EXOC6B: variants seen among roughly 807,000 people sequenced by gnomAD.
The protein encoded by EXOC6B is SEC15 homolog B.
EXOC6B carries 54 observed loss-of-function variants against 113.5 expected under a neutral mutation model. The ratio of observed to expected loss-of-function variants is 0.48; its 90% CI spans 0.38 to 0.60. The LOEUF is 0.60. Ranked by LOEUF, EXOC6B falls within the 20% of genes least tolerant of loss-of-function variation. EXOC6B has a pLI of 0.00. For missense variants in EXOC6B, 797 were observed against 977.5 expected, an observed-to-expected ratio of 0.82 and a Z score of 2.46; for synonymous variants, 357 against 339.0, an observed-to-expected ratio of 1.05 and a Z score of -0.58.
intron 6 of EXOC6B, among the ~76,000 whole-genome samples, chr2:72,624,441 A>G (rs983048410): frequency 2.0e-5 from 3 of 152,158 alleles, no homozygotes; most frequent in African/African-American, 7.2e-5. Flanking sequence ...ACTTATAAAA[A>G]TAAGATGCTC....
At chr2:72,247,304 T>A (rs1190805914) in intron 20 of EXOC6B, among the ~76,000 whole-genome samples, 1 of 152,206 alleles carries the variant, frequency 6.6e-6, no homozygotes, top group Non-Finnish European at 1.5e-5. Flanking sequence ...GATACCACCA[T>A]GTATCCAAGA....
chr2:72,294,612 T>G (rs1686015251), intron 20 of EXOC6B, among the ~76,000 whole-genome samples: 1 of 152,190 alleles, frequency 6.6e-6, no homozygotes, highest in African/African-American at 2.4e-5. Flanking sequence ...CTATTTACAT[T>G]TATTATCATA....
intron 20 of EXOC6B, among the ~76,000 whole-genome samples, chr2:72,256,984 TA>T (rs1182569503): frequency 2.0e-5 from 3 of 152,182 alleles, no homozygotes; most frequent in Non-Finnish European, 4.4e-5. Context: ...AATTTGGGCC[TA>T]AAGTAACCCT....
At chr2:72,248,715 T>TCTA (rs1433461283) in intron 20 of EXOC6B, among the ~76,000 whole-genome samples, 2 of 152,162 alleles carry the variant, frequency 1.3e-5, no homozygotes, top group Non-Finnish European at 2.9e-5. Context: ...TACATTAACA[T>TCTA]CTAGCTAAAT....
chr2:72,388,806 A>T (rs929359324), intron 18 of EXOC6B, among the ~76,000 whole-genome samples: 3 of 152,116 alleles, frequency 2.0e-5, no homozygotes, highest in African/African-American at 7.2e-5. Context: ...ATGAAATGTC[A>T]ATTTTTATCC....
At chr2:72,485,387 A>G (rs1266167780) in intron 16 of EXOC6B, among the ~76,000 whole-genome samples, 12 of 152,210 alleles carry the variant, frequency 7.9e-5, no homozygotes, top group Non-Finnish European at 1.5e-4. Context: ...GAAGAAAATG[A>G]GAAGTCACAC....
intron 19 of EXOC6B, among the ~76,000 whole-genome samples, chr2:72,364,623 T>G (rs1374337523): frequency 1.3e-5 from 2 of 152,136 alleles, no homozygotes; most frequent in Non-Finnish European, 2.9e-5. Context: ...AGGATGTAGA[T>G]TCTCCTACGG....
intron 6 of EXOC6B, among the ~76,000 whole-genome samples, chr2:72,618,966 T>C (rs1042960799): frequency 6.6e-6 from 1 of 152,208 alleles, no homozygotes; most frequent in African/African-American, 2.4e-5. Flanking sequence ...GGAATTAGCA[T>C]GTGACTTAAT....
intron 18 of EXOC6B, among the ~76,000 whole-genome samples, chr2:72,393,124 C>G (rs577926209): frequency 6.0e-5 from 9 of 151,260 alleles, no homozygotes; most frequent in Non-Finnish European, 1.2e-4. Flanking sequence ...GAGACAAAGT[C>G]TCACTCTGTA....
intron 17 of EXOC6B, among the ~76,000 whole-genome samples, chr2:72,475,480 A>G (rs557625560): frequency 5.3e-5 from 8 of 152,180 alleles, no homozygotes; most frequent in Non-Finnish European, 7.4e-5. Context: ...GCCCGACCTC[A>G]GGCACCTGGG....
At chr2:72,303,903 T>C (rs1271204991) in intron 20 of EXOC6B, among the ~76,000 whole-genome samples, 1 of 152,168 alleles carries the variant, frequency 6.6e-6, no homozygotes, top group Non-Finnish European at 1.5e-5. Flanking sequence ...TGGGCAGCCC[T>C]GCTCAGTGAG....
chr2:72,305,221 ATG>A (rs1397023556), intron 20 of EXOC6B, among the ~76,000 whole-genome samples: 3 of 152,178 alleles, frequency 2.0e-5, no homozygotes, highest in Non-Finnish European at 4.4e-5. Flanking sequence ...TGCTAAGTTC[ATG>A]TAGTTAAATG....
chr2:72,439,894 AT>A (rs888147554), intron 18 of EXOC6B, among the ~76,000 whole-genome samples: 26 of 151,276 alleles, frequency 1.7e-4, no homozygotes, highest in Admixed American at 9.2e-4. Context: ...ACCTTTGGAT[AT>A]TTTTTTTTAT....
At chr2:72,184,599 T>C (rs900901567) in intron 20 of EXOC6B, among the ~76,000 whole-genome samples, 2 of 152,260 alleles carry the variant, frequency 1.3e-5, no homozygotes, top group African/African-American at 4.8e-5. Flanking sequence ...TAAAGGTGGA[T>C]GTAGTCCAGT....
intron 18 of EXOC6B, among the ~76,000 whole-genome samples, chr2:72,405,682 T>A (rs968417962): frequency 2.0e-5 from 3 of 152,142 alleles, no homozygotes; most frequent in African/African-American, 7.2e-5. Context: ...AGGCCTGCCC[T>A]ACAAGAGCTC....
At chr2:72,602,898 C>A (rs1670516731) in intron 6 of EXOC6B, among the ~76,000 whole-genome samples, 2 of 152,046 alleles carry the variant, frequency 1.3e-5, no homozygotes, top group African/African-American at 4.8e-5. Flanking sequence ...ATGACAGCTT[C>A]TAGGAGATGG....
intron 1 of EXOC6B, among the ~76,000 whole-genome samples, chr2:72,823,459 G>GAAAAAAGAAAAA (rs1686693497): frequency 1.4e-5 from 1 of 70,032 alleles, no homozygotes; most frequent in African/African-American, 8.2e-5. Context: ...AAAGTTTTAA[G>GAAAAAAGAAAAA]AAAAAAAAAA....
At chr2:72,497,158 G>A (rs1483115652) in intron 13 of EXOC6B, among the ~76,000 whole-genome samples, 3 of 151,614 alleles carry the variant, frequency 2.0e-5, no homozygotes, top group African/African-American at 4.8e-5. Context: ...TTTTTTTGTA[G>A]AGATATAATC....
chr2:72,303,606 T>A (rs1433218769), intron 20 of EXOC6B, among the ~76,000 whole-genome samples: 1 of 152,196 alleles, frequency 6.6e-6, no homozygotes, highest in African/African-American at 2.4e-5. Context: ...TTATTCTTAG[T>A]TTCCTTGGAT....
Sources: allele counts gnomAD v4.1 joint callset (sites outside exome capture counted in the v4.1 genomes callset), GRCh38; gene constraint gnomAD v4.1.1; transcripts MANE v1.5; gene names NCBI Gene and HGNC (gene_info 2026-07-23, HGNC 2026-07-21).